The following COMMD7 variants were observed in gnomAD, a reference collection of about 807,000 sequenced individuals.
The protein encoded by COMMD7 is COMM domain-containing protein 7.
COMMD7 carries 28 observed loss-of-function variants against 34.8 expected under a neutral mutation model. That is an observed-to-expected ratio of 0.80 (90% CI 0.60 to 1.10). COMMD7 has a LOEUF of 1.10. Ranked by LOEUF, COMMD7 falls within the 50% of genes least tolerant of loss-of-function variation. COMMD7 has a pLI of 0.00. For missense variants in COMMD7, 211 were observed against 241.6 expected (o/e 0.87, Z 0.84); for synonymous variants, 80 against 86.4 (o/e 0.93, Z 0.41).
chr20:32,734,748 T>C lies in COMMD7; in HGVS notation c.85-6606A>G, dbSNP rs148815758. Among the ~76,000 whole-genome samples the C allele has an allele frequency of 2.6e-3, 395 of 151,836 alleles. 3 individuals carry two copies. Among genetic ancestry groups the C allele is most frequent in the African/African-American group, 9.2e-3 (383 of 41,414 alleles). On this transcript the variant is annotated intron_variant, in intron 1 of 8. Transcript: ENST00000278980. ...TTCAAGACCATCCTGGCCAACATAA[T>C]GAAACCCCATGTCTACTAAAAATAC... is the stretch of plus-strand genomic sequence containing the variant.
At chr20:32,717,356 C>T (rs1275687508) in intron 3 of COMMD7, among the ~76,000 whole-genome samples, 14 of 147,278 alleles carry the variant, frequency 9.5e-5, no homozygotes, top group African/African-American at 3.3e-4. Flanking sequence ...GACAGAGTCT[C>T]ACTCTGTCAC....
At position 32,723,125 on chromosome 20, in the gene COMMD7, C is replaced by G. The variant is rs921662024; in HGVS notation, c.241+4768G>C. 5.2e-5 allele frequency among the ~76,000 whole-genome samples: 2 copies of G among 38,632 alleles called. 1 individual carries two copies. Among genetic ancestry groups the G allele is most frequent in the Non-Finnish European group, 1.4e-4 (2 of 14,138 alleles). 25.3% of individuals were successfully genotyped at this position (38,632 alleles called of 152,430 possible). A position where few individuals can be genotyped will look rare whatever the true frequency, so the allele number is the denominator to read the frequency against. ...CCGTCTCCCTCTCCCTCTCCCTCTC[C>G]CTCCCTCTCCGTCTCCGTCTCCGTC... On this transcript the variant is annotated intron_variant, in intron 3 of 8. Transcript: ENST00000278980.
At chr20:32,722,900 T>C (rs1003634245) in intron 3 of COMMD7, among the ~76,000 whole-genome samples, 1 of 151,214 alleles carries the variant, frequency 6.6e-6, no homozygotes, top group Non-Finnish European at 1.5e-5. Context: ...TGGGCACCTG[T>C]AGTCCCAGCT....
chr20:32,734,508 AAAAATAT>A (rs1402509433), intron 1 of COMMD7, among the ~76,000 whole-genome samples: 1 of 152,076 alleles, frequency 6.6e-6, no homozygotes, highest in Non-Finnish European at 1.5e-5. Flanking sequence ...AAGATGAAGA[AAAAATAT>A]ATACAGAATG....
chr20:32,737,578 C>T (rs770057688), intron 1 of COMMD7, among the ~76,000 whole-genome samples: 2 of 150,544 alleles, frequency 1.3e-5, no homozygotes, highest in Non-Finnish European at 3.0e-5. Flanking sequence ...CCTATAATCC[C>T]AGCACTTTGG....
At chr20:32,743,262 TGGAATCACCTGG>T in intron 1 of COMMD7, 34 bp downstream of exon 1, 1 of 614,590 alleles carries the variant, frequency 1.6e-6, no homozygotes, top group Non-Finnish European at 2.6e-6. Context: ...GCCCGGATCC[TGGAATCACCTGG>T]GCCCCGCGCC....
chr20:32,728,139 A>G lies in COMMD7; in HGVS notation c.88T>C (p.Phe30Leu). ...QQLNQLGAQQ[F>L]SALTEVLFHF... ...AAAAGCACCTCTGTCAGGGCTGAGAACTGCTGTGAAGAAAACAACACAGAA... is the reference window on the plus strand; with the variant it reads ...AAAAGCACCTCTGTCAGGGCTGAGAGCTGCTGTGAAGAAAACAACACAGAA... Residue 30 changes from phenylalanine (F) to leucine (L), a missense_variant, in exon 2 of 9, where the codon TTC (phenylalanine) becomes CTC (leucine). By Grantham distance (22) the Phe-to-Leu change is conservative. Coordinates refer to ENST00000278980, the MANE Select transcript of COMMD7 (RefSeq NM_053041.3). 1 of 1,614,104 alleles carries G rather than the reference A, an allele frequency of 6.2e-7. No individual in the cohort carries two copies. Among genetic ancestry groups the G allele is most frequent in the Non-Finnish European group, 8.5e-7 (1 of 1,179,994 alleles).
chr20:32,741,147 A>C (rs1001202118), intron 1 of COMMD7, among the ~76,000 whole-genome samples: 1 of 119,676 alleles, frequency 8.4e-6, no homozygotes, highest in African/African-American at 3.3e-5. Flanking sequence ...CGTCTAAAAC[A>C]AACAAACAAA....
At chr20:32,705,376 A>ATATATATATATATTTTTT (rs1335467096) in intron 5 of COMMD7, among the ~76,000 whole-genome samples, 31 of 125,414 alleles carry the variant, frequency 2.5e-4, no homozygotes, top group African/African-American at 9.6e-4. Context: ...ATATATATAT[A>ATATATATATATATTTTTT]TTTTTTTTTT....
intron 1 of COMMD7, among the ~76,000 whole-genome samples, chr20:32,733,788 G>A (rs572576504): frequency 6.6e-6 from 1 of 151,416 alleles, no homozygotes; most frequent in East Asian, 1.9e-4. Context: ...AGGAGGCTGA[G>A]GCAGGAGAAT....
At chr20:32,733,896 A>T (rs1487528362) in intron 1 of COMMD7, among the ~76,000 whole-genome samples, 1 of 146,556 alleles carries the variant, frequency 6.8e-6, no homozygotes, top group African/African-American at 2.5e-5. Context: ...AAAAAAAAGA[A>T]GGCCGGGTGC....
intron 1 of COMMD7, among the ~76,000 whole-genome samples, chr20:32,729,854 CAAAAAAAA>C (rs76643392): frequency 6.6e-6 from 1 of 150,418 alleles, no homozygotes; most frequent in African/African-American, 2.4e-5. Context: ...AAACAAAAAA[CAAAAAAAA>C]ATTAGCCAGG....
At chr20:32,718,385 C>G (rs1984940913) in intron 3 of COMMD7, among the ~76,000 whole-genome samples, 2 of 144,920 alleles carry the variant, frequency 1.4e-5, no homozygotes, top group Admixed American at 7.0e-5. Context: ...GCCTGGGCTA[C>G]AGAGCGAAAC....
chr20:32,728,356 G>T (rs1985640172), intron 1 of COMMD7, among the ~76,000 whole-genome samples: 1 of 151,936 alleles, frequency 6.6e-6, no homozygotes, highest in Admixed American at 6.6e-5. Context: ...CGTTTATTGG[G>T]ATACTTAGCA....
intron 1 of COMMD7, among the ~76,000 whole-genome samples, chr20:32,733,417 T>C (rs6119943): frequency 0.24 from 36,470 of 150,844 alleles, 4,774 homozygotes; most frequent in Non-Finnish European, 0.31. Flanking sequence ...AAACCCCGTC[T>C]CTACTAAAAA....
intron 3 of COMMD7, among the ~76,000 whole-genome samples, chr20:32,713,333 C>T (rs1238000024): frequency 2.0e-5 from 3 of 152,170 alleles, no homozygotes; most frequent in African/African-American, 2.4e-5. Context: ...TACAGGCGTG[C>T]GCCAATGCGC....
chr20:32,732,949 AAAG>A (rs1985925018), intron 1 of COMMD7, among the ~76,000 whole-genome samples: 1 of 147,568 alleles, frequency 6.8e-6, no homozygotes, highest in Admixed American at 6.8e-5. Flanking sequence ...AAAAAAGAAA[AAAG>A]AAGGTCGGAC....
At chr20:32,722,207 T>C (rs982116220) in intron 3 of COMMD7, among the ~76,000 whole-genome samples, 1 of 138,696 alleles carries the variant, frequency 7.2e-6, no homozygotes, top group African/African-American at 2.7e-5. Flanking sequence ...ATCTTGCCCC[T>C]GTACTCCAGC....
At chr20:32,732,423 G>A (rs530348790) in intron 1 of COMMD7, among the ~76,000 whole-genome samples, 2 of 152,028 alleles carry the variant, frequency 1.3e-5, no homozygotes, top group South Asian at 4.1e-4. Context: ...TATACCCCTC[G>A]ACCTAGTAAT....
Sources: allele counts gnomAD v4.1 joint callset (sites outside exome capture counted in the v4.1 genomes callset), GRCh38; gene constraint gnomAD v4.1.1; transcripts MANE v1.5; gene names NCBI Gene and HGNC (gene_info 2026-07-23, HGNC 2026-07-21).